The following ZNF385D variants were observed in gnomAD, a reference collection of about 807,000 sequenced individuals.
ZNF385D encodes zinc finger protein 659.
Under a neutral mutation model 35.8 loss-of-function variants are expected in ZNF385D, and 15 were observed. That is an observed-to-expected ratio of 0.42 (90% confidence interval 0.28 to 0.64). ZNF385D has a LOEUF of 0.64. Ranked by LOEUF, ZNF385D falls within the 30% of genes least tolerant of loss-of-function variation. The probability of loss-of-function intolerance (pLI) is 0.23; values close to 1 mark genes in which losing one functional copy is unlikely to be tolerated. For missense variants in ZNF385D, 474 were observed against 494.6 expected (o/e 0.96, Z 0.39); for synonymous variants, 212 against 186.8 (o/e 1.13, Z -1.10).
intron 2 of ZNF385D, among the ~76,000 whole-genome samples, chr3:21,642,729 G>A (rs1575382936): frequency 6.6e-6 from 1 of 152,212 alleles, no homozygotes; most frequent in Non-Finnish European, 1.5e-5. Context: ...ACAAAATGTG[G>A]TTTATACTGT....
intron 2 of ZNF385D, among the ~76,000 whole-genome samples, chr3:21,569,075 G>C (rs1466876681): frequency 1.3e-5 from 2 of 152,166 alleles, no homozygotes; most frequent in African/African-American, 4.8e-5. Flanking sequence ...ATGTCTATTA[G>C]GTCCGCTTGG....
At chr3:22,097,592 G>A (rs1290870579) in intron 3 of ZNF385D, among the ~76,000 whole-genome samples, 2 of 152,048 alleles carry the variant, frequency 1.3e-5, no homozygotes, top group Non-Finnish European at 2.9e-5. Flanking sequence ...TCTTCTCACT[G>A]TCTATGATAA....
chr3:21,443,536 G>A (rs561297467), intron 4 of ZNF385D, among the ~76,000 whole-genome samples: 1 of 152,192 alleles, frequency 6.6e-6, no homozygotes, highest in South Asian at 2.1e-4. Context: ...AAGAGTGGAG[G>A]GAACAATGAA....
At chr3:21,804,055 G>C (rs1216208266) in intron 3 of ZNF385D, among the ~76,000 whole-genome samples, 1 of 152,104 alleles carries the variant, frequency 6.6e-6, no homozygotes, top group South Asian at 2.1e-4. Flanking sequence ...AAAGTTAAAG[G>C]ATTTTATAGA....
chr3:21,750,492 A>C (rs1295502895), intron 1 of ZNF385D, among the ~76,000 whole-genome samples: 1 of 152,034 alleles, frequency 6.6e-6, no homozygotes, highest in Non-Finnish European at 1.5e-5. Context: ...ACTGAATGAA[A>C]TGCTCATATT....
intron 4 of ZNF385D, among the ~76,000 whole-genome samples, chr3:21,440,470 C>G (rs2125243963): frequency 6.6e-6 from 1 of 152,146 alleles, no homozygotes; most frequent in South Asian, 2.1e-4. Context: ...CTATCACAGT[C>G]TAGAGGAGCC....
intron 2 of ZNF385D, among the ~76,000 whole-genome samples, chr3:22,233,457 T>C (rs1385433720): frequency 6.6e-6 from 1 of 152,156 alleles, no homozygotes; most frequent in Non-Finnish European, 1.5e-5. Flanking sequence ...ACAGATGACT[T>C]TCTGAAATAA....
At chr3:22,132,748 T>C (rs1703875693) in intron 3 of ZNF385D, among the ~76,000 whole-genome samples, 2 of 152,128 alleles carry the variant, frequency 1.3e-5, no homozygotes, top group African/African-American at 4.8e-5. Context: ...AAATACTTAA[T>C]AATTTACCCA....
chr3:21,833,512 TG>T (rs1695135306), intron 3 of ZNF385D, among the ~76,000 whole-genome samples: 1 of 151,946 alleles, frequency 6.6e-6, no homozygotes, highest in South Asian at 2.1e-4. Flanking sequence ...AGGCCAGGAG[TG>T]GTTTTCCCAT....
intron 3 of ZNF385D, among the ~76,000 whole-genome samples, chr3:22,037,758 G>A (rs902119463): frequency 2.2e-4 from 33 of 152,138 alleles, no homozygotes; most frequent in Middle Eastern, 6.8e-3. Context: ...ATTGCTTTTG[G>A]TGTTTTAGAC....
chr3:21,601,263 A>G (rs1267824455), intron 2 of ZNF385D, among the ~76,000 whole-genome samples: 1 of 152,194 alleles, frequency 6.6e-6, no homozygotes. Context: ...TCCTTTATAA[A>G]GCAGATGTTA....
At chr3:22,240,743 G>A (rs1463031256) in intron 2 of ZNF385D, among the ~76,000 whole-genome samples, 3 of 150,974 alleles carry the variant, frequency 2.0e-5, no homozygotes, top group Non-Finnish European at 2.9e-5. Flanking sequence ...TTGTGTAATT[G>A]TAATTGTACT....
Position 21,927,211 on chromosome 3 carries a change from A to G in ZNF385D, c.325+241606T>C, listed in dbSNP as rs146707201. Among the ~76,000 whole-genome samples, 11 of 152,236 alleles carry G rather than the reference A, an allele frequency of 7.2e-5. No individual in the cohort carries two copies. In the East Asian group the frequency reaches 2.1e-3, roughly 29 times the overall value. ...ATAGAAGCTCCCTGAAGTCCTCACC[A>G]GAAGCAAGTGTTGGTACCATGCTTC... On this transcript the variant is annotated intron_variant, in intron 3 of 5. Transcript: ENST00000494108.
At chr3:21,944,893 ATCT>A (rs1428502283) in intron 3 of ZNF385D, among the ~76,000 whole-genome samples, 1 of 152,128 alleles carries the variant, frequency 6.6e-6, no homozygotes, top group Non-Finnish European at 1.5e-5. Context: ...CAATACCTTC[ATCT>A]TCATTTTATA....
At chr3:21,770,966 A>G (rs1462353885) in intron 3 of ZNF385D, among the ~76,000 whole-genome samples, 1 of 152,052 alleles carries the variant, frequency 6.6e-6, no homozygotes, top group Non-Finnish European at 1.5e-5. Flanking sequence ...GGAAACCATC[A>G]TTCTCAGCAA....
intron 2 of ZNF385D, among the ~76,000 whole-genome samples, chr3:22,293,830 G>C (rs1460749613): frequency 6.6e-6 from 1 of 152,036 alleles, no homozygotes; most frequent in African/African-American, 2.4e-5. Context: ...CTGGAGGTGA[G>C]GCCTAGTGAT....
intron 1 of ZNF385D, among the ~76,000 whole-genome samples, chr3:21,720,834 G>A (rs2068510806): frequency 6.6e-6 from 1 of 152,094 alleles, no homozygotes; most frequent in African/African-American, 2.4e-5. Flanking sequence ...GGTAGTAGTG[G>A]GGTTTGGGAA....
At chr3:21,666,021 A>G (rs771319705) in intron 1 of ZNF385D, among the ~76,000 whole-genome samples, 8 of 152,114 alleles carry the variant, frequency 5.3e-5, no homozygotes, top group Non-Finnish European at 1.0e-4. Context: ...ATGCAGTGGG[A>G]TTTTTTTCTC....
chr3:21,966,675 G>A (rs181960250), intron 3 of ZNF385D, among the ~76,000 whole-genome samples: 127 of 152,248 alleles, frequency 8.3e-4, no homozygotes, highest in Admixed American at 2.0e-3. Context: ...TCTGCCTCCC[G>A]GGTTCAATCG....
Sources: allele counts gnomAD v4.1 joint callset (sites outside exome capture counted in the v4.1 genomes callset), GRCh38; gene constraint gnomAD v4.1.1; transcripts MANE v1.5; gene names NCBI Gene and HGNC (gene_info 2026-07-23, HGNC 2026-07-21).